Variants in OR1A1 observed in about 807,000 individuals in gnomAD.
The protein encoded by OR1A1 is olfactory receptor family 1 subfamily A member 1.
For missense variants in OR1A1, 391 were observed against 379.9 expected, an observed-to-expected ratio of 1.03 and a Z score of -0.24; for synonymous variants, 145 against 147.8, an observed-to-expected ratio of 0.98 and a Z score of 0.13.
rs992968340 is a variant in OR1A1 at position 3,216,481 on chromosome 17, C to A, written c.861C>A (p.Ile287=). The A allele has an allele frequency of 6.2e-7, 1 of 1,614,016 alleles. No individual in the cohort carries two copies. Among genetic ancestry groups the A allele is most frequent in the Admixed American group, 1.7e-5 (1 of 60,000 alleles). ...TAVTPMLNPF[I]YSLRNRDMKA... Reference sequence around the variant, plus strand: ...TGACCCCAATGTTAAATCCTTTCATCTACAGTCTGAGAAATCGGGACATGA... The same window carrying A: ...TGACCCCAATGTTAAATCCTTTCATATACAGTCTGAGAAATCGGGACATGA... The change falls in exon 4 of 4, where the codon ATC becomes ATA. Residue 287 remains isoleucine, a synonymous_variant. Transcript: ENST00000641732.
At chr17:3,211,611 C>T (rs913687312) in intron 2 of OR1A1, among the ~76,000 whole-genome samples, 1 of 152,176 alleles carries the variant, frequency 6.6e-6, no homozygotes, top group Non-Finnish European at 1.5e-5. Context: ...GCTGGGATTA[C>T]AGATGTGAGC....
In OR1A1 at chr17:3,218,849, C is replaced by A. The variant is rs1446369931; in HGVS notation, c.*2299C>A. 3 of 152,004 alleles carry A rather than the reference C, an allele frequency of 2.0e-5. No individual in the cohort carries two copies. The highest frequency in any genetic ancestry group is 2.9e-5 in the Non-Finnish European group (2 of 68,008). The allele number at this position is 152,004 out of a possible 1,614,324, so 9.4% of individuals were successfully genotyped here. A position where few individuals can be genotyped will look rare whatever the true frequency, so the allele number is the denominator to read the frequency against. ...CAGGCTGATGGATGCAGCAAACCAC[C>A]ATGGCACGTGTATACCTATGTAACA... On this transcript the variant is annotated 3_prime_UTR_variant, in exon 4 of 4. Coordinates refer to ENST00000641732, the MANE Select transcript of OR1A1 (RefSeq NM_014565.3).
chr17:3,211,257 CT>C (rs897767787), intron 2 of OR1A1, among the ~76,000 whole-genome samples: 2 of 152,190 alleles, frequency 1.3e-5, no homozygotes, highest in African/African-American at 4.8e-5. Flanking sequence ...CACAGTAAAC[CT>C]TTTTTGTACC....
In OR1A1 at chr17:3,216,168, C is replaced by T. The variant is rs544502398; in HGVS notation, c.548C>T (p.Pro183Leu). ...EVANFYCDIT[P>L]LLKLSCSDIH... Reference sequence around the variant, plus strand: ...GCCAACTTCTACTGTGACATTACCCCCTTGCTGAAGTTATCCTGTTCTGAC... The same window carrying T: ...GCCAACTTCTACTGTGACATTACCCTCTTGCTGAAGTTATCCTGTTCTGAC... The change falls in exon 4 of 4, where the codon CCC becomes CTC. Residue 183 changes from proline to leucine, a missense_variant. Physicochemically the swap from Pro to Leu is moderately conservative, Grantham distance 98 (BLOSUM62 -3). Transcript: ENST00000641732. 153 of 1,614,182 alleles carry T rather than the reference C, an allele frequency of 9.5e-5. 1 individual carries two copies. In the South Asian group the frequency reaches 1.6e-3, roughly 17 times the overall value.
Position 3,215,881 on chromosome 17 carries a change from G to C in OR1A1, c.261G>C (p.Leu87Phe), listed in dbSNP as rs754679326. The C allele has an allele frequency of 8.7e-6, 14 of 1,613,910 alleles. No homozygotes were observed. The highest frequency in any genetic ancestry group is 1.2e-5 in the Non-Finnish European group (14 of 1,180,004). The change falls in exon 4 of 4, where the codon TTG becomes TTC. Residue 87 changes from leucine (L) to phenylalanine (F), a missense_variant. Physicochemically the swap from Leu to Phe is conservative, Grantham distance 22. Transcript: ENST00000641732. The part of the protein sequence containing the change: ...TIPKMLANHL[L>F]GSKSISFGGC... The stretch of plus-strand genomic sequence containing the variant: ...CTAAGATGCTGGCCAACCATCTCTT[G>C]GGCAGCAAATCCATCTCTTTTGGGG...
chr17:3,216,235 T>C lies in OR1A1; in HGVS notation c.615T>C (p.Ile205=), dbSNP rs1219421000. 4.3e-6 allele frequency: 7 copies of C among 1,614,134 alleles called. No individual in the cohort carries two copies. Among genetic ancestry groups the C allele is most frequent in the Non-Finnish European group, 5.9e-6 (7 of 1,180,028 alleles). ...AGATGATGTACCTAGGGGTTGGCAT[T>C]TTCTCTGTGCCATTACTATGCATCA... ...HVKMMYLGVG[I]FSVPLLCIIV... is the part of the protein sequence containing the mutation. The change falls in exon 4 of 4, where the codon ATT becomes ATC. Residue 205 remains isoleucine, a synonymous_variant. Coordinates refer to ENST00000641732, the MANE Select transcript of OR1A1 (RefSeq NM_014565.3).
intron 3 of OR1A1, chr17:3,214,664 G>A (rs1411341821): frequency 6.6e-6 from 1 of 152,092 alleles, no homozygotes; most frequent in Non-Finnish European, 1.5e-5. Flanking sequence ...GGTCACGTTG[G>A]CAGTATGAGT....
intron 2 of OR1A1, among the ~76,000 whole-genome samples, chr17:3,209,656 C>T (rs34227806): frequency 0.25 from 37,995 of 151,888 alleles, 5,559 homozygotes; most frequent in East Asian, 0.57. Context: ...CACCTGTAGT[C>T]CCACTTGAGC....
chr17:3,211,476 C>T (rs976277138), intron 2 of OR1A1, among the ~76,000 whole-genome samples: 4 of 152,102 alleles, frequency 2.6e-5, no homozygotes, highest in Admixed American at 6.5e-5. Flanking sequence ...GCTGGGATTA[C>T]AGGTGTGCAC....
chr17:3,218,157 CAT>C lies in OR1A1; in HGVS notation c.*1610_*1611del, dbSNP rs2048479801. 1 of 152,076 alleles carries C rather than the reference CAT, an allele frequency of 6.6e-6. No homozygotes were observed. The highest frequency in any genetic ancestry group is 2.4e-5 in the African/African-American group (1 of 41,398). 9.4% of individuals were successfully genotyped at this position (152,076 alleles called of 1,614,324 possible). A position where few individuals can be genotyped will look rare whatever the true frequency, so the allele number is the denominator to read the frequency against. On this transcript the variant is annotated 3_prime_UTR_variant, in exon 4 of 4. Coordinates refer to ENST00000641732, the MANE Select transcript of OR1A1 (RefSeq NM_014565.3). ...AGAAGACATTTATGCAGCCAATAAA[CAT>C]ATGAAAAAAAGCTCAACATCACTGG...
intron 3 of OR1A1, chr17:3,213,446 T>A (rs1436369876): frequency 3.3e-5 from 5 of 152,182 alleles, no homozygotes; most frequent in Admixed American, 6.5e-5. Flanking sequence ...CAAGAGATGC[T>A]GAGAAGTGAG....
In OR1A1 at chr17:3,216,706, T is replaced by A; in HGVS notation, c.*156T>A. The stretch of plus-strand genomic sequence containing the variant: ...TTATAACATTTTAATAAGTTAATAA[T>A]AAGTGATTATTGAAATTACCACTTT... On this transcript the variant is annotated 3_prime_UTR_variant, in exon 4 of 4. Coordinates refer to ENST00000641732, the MANE Select transcript of OR1A1 (RefSeq NM_014565.3). 1.7e-6 allele frequency: 1 copy of A among 601,532 alleles called. No homozygotes were observed. The highest frequency in any genetic ancestry group is 2.7e-5 in the South Asian group (1 of 37,422). 37.3% of individuals were successfully genotyped at this position (601,532 alleles called of 1,614,324 possible).
rs1284577976 is a variant in OR1A1 at position 3,216,652 on chromosome 17, C to T, written c.*102C>T. Reference sequence around the variant, plus strand: ...CTACGAGAGGCAGTCTCTGATCTTTCTAGCCTGAAATTCCTAATCTCAGAA... The same window carrying T: ...CTACGAGAGGCAGTCTCTGATCTTTTTAGCCTGAAATTCCTAATCTCAGAA... On this transcript the variant is annotated 3_prime_UTR_variant, in exon 4 of 4. Transcript: ENST00000641732. The T allele has an allele frequency of 1.1e-6, 1 of 882,160 alleles. No individual in the cohort carries two copies. The highest frequency in any genetic ancestry group is 1.7e-6 in the Non-Finnish European group (1 of 582,486). 54.6% of individuals were successfully genotyped at this position (882,160 alleles called of 1,614,324 possible).
intron 2 of OR1A1, among the ~76,000 whole-genome samples, chr17:3,211,209 C>A (rs1436731293): frequency 6.6e-6 from 1 of 152,130 alleles, no homozygotes; most frequent in Non-Finnish European, 1.5e-5. Flanking sequence ...ATTTCTTTGT[C>A]GGTCTCTAAC....
At position 3,215,742 on chromosome 17, in the gene OR1A1, G is replaced by C. The variant is rs766207040; in HGVS notation, c.122G>C (p.Gly41Ala). The change falls in exon 4 of 4, where the codon GGA (glycine) becomes GCA (alanine). Residue 41 changes from glycine to alanine, a missense_variant. By Grantham distance (60) the Gly-to-Ala change is moderately conservative (BLOSUM62 0). Coordinates refer to ENST00000641732, the MANE Select transcript of OR1A1 (RefSeq NM_014565.3). ...TTCATTTACCCCATCACATTGATTG[G>C]AAACCTGCTCATCGTCCTAGCCATT... The part of the protein sequence containing the change: ...FLFIYPITLI[G>A]NLLIVLAICS... The C allele has an allele frequency of 3.1e-6, 5 of 1,613,988 alleles. No individual in the cohort carries two copies. In the African/African-American group the frequency reaches 6.7e-5, roughly 22 times the overall value.
At chr17:3,210,044 T>C (rs2048433696) in intron 2 of OR1A1, among the ~76,000 whole-genome samples, 1 of 147,868 alleles carries the variant, frequency 6.8e-6, no homozygotes, top group South Asian at 2.2e-4. Flanking sequence ...TTTTAACTAT[T>C]GCATAGGATT....
At position 3,217,545 on chromosome 17, in the gene OR1A1, AACCAAAACAGCATGGTACTGGT is replaced by A. The variant is rs2048476539; in HGVS notation, c.*1006_*1027del. On this transcript the variant is annotated 3_prime_UTR_variant, in exon 4 of 4. Coordinates refer to ENST00000641732, the MANE Select transcript of OR1A1 (RefSeq NM_014565.3). Reference sequence around the variant, plus strand: ...TCAAACTATACTACAAGGCTACAGTAACCAAAACAGCATGGTACTGGTACCAAAACAGACATGTAGCCCAGTG... The same window carrying A: ...TCAAACTATACTACAAGGCTACAGTAACCAAAACAGACATGTAGCCCAGTG... The A allele has an allele frequency of 6.6e-6, 1 of 152,242 alleles. No homozygotes were observed. Among genetic ancestry groups the A allele is most frequent in the Non-Finnish European group, 1.5e-5 (1 of 68,068 alleles). 9.4% of individuals were successfully genotyped at this position (152,242 alleles called of 1,614,324 possible). A position where few individuals can be genotyped will look rare whatever the true frequency, so the allele number is the denominator to read the frequency against.
chr17:3,209,341 G>C (rs1597291458), intron 2 of OR1A1, among the ~76,000 whole-genome samples: 1 of 152,220 alleles, frequency 6.6e-6, no homozygotes, highest in South Asian at 2.1e-4. Context: ...AAATATTGCA[G>C]GCCAGGTGTG....
At chr17:3,208,490 C>T (rs962411289) in intron 1 of OR1A1, 91 bp from the exon 2 acceptor site, 1 of 152,074 alleles carries the variant, frequency 6.6e-6, no homozygotes, top group African/African-American at 2.4e-5. Flanking sequence ...GCTGAACTAT[C>T]ATGGAAGTCT....
Sources: allele counts gnomAD v4.1 joint callset (sites outside exome capture counted in the v4.1 genomes callset), GRCh38; gene constraint gnomAD v4.1.1; transcripts MANE v1.5; gene names NCBI Gene and HGNC (gene_info 2026-07-23, HGNC 2026-07-21).